The following EIF3L variants were observed in gnomAD, a reference collection of about 807,000 sequenced individuals.
EIF3L encodes the protein eIEF associated protein HSPC021.
In EIF3L, 32 loss-of-function variants were observed where a neutral mutation model predicts 74.6. That is an observed-to-expected ratio of 0.43 (90% CI 0.32 to 0.58). The LOEUF (loss-of-function observed/expected upper bound fraction) is 0.58, where lower values mean the gene tolerates loss of function less well. Ranked by LOEUF, EIF3L falls within the 20% of genes least tolerant of loss-of-function variation. The pLI, the probability that EIF3L is intolerant of heterozygous loss-of-function variation, is 0.06. For missense variants in EIF3L, 474 were observed against 707.8 expected (o/e 0.67, Z 3.75); for synonymous variants, 256 against 254.4 (o/e 1.01, Z -0.06).
At chr22:37,868,455 C>T (rs188421498) in intron 7 of EIF3L, among the ~76,000 whole-genome samples, 66 of 147,066 alleles carry the variant, frequency 4.5e-4, no homozygotes, top group African/African-American at 1.6e-3. Flanking sequence ...TCTGGATATT[C>T]TTTTTTTTTC....
intron 4 of EIF3L, 139 bp from the exon 5 acceptor site, chr22:37,858,540 A>G: frequency 1.4e-6 from 1 of 739,596 alleles, no homozygotes; most frequent in Non-Finnish European, 2.3e-6. Context: ...CATTGCATGT[A>G]TTCTTGGGGC....
In EIF3L at chr22:37,855,589, C is replaced by A; in HGVS notation, c.318C>A (p.Phe106Leu). 6.2e-7 allele frequency: 1 copy of A among 1,614,170 alleles called. No individual in the cohort carries two copies. The highest frequency in any genetic ancestry group is 2.2e-5 in the East Asian group (1 of 44,888). ...ENSWTKLTERFFKNTPWPEAE... is the reference protein window; with the variant it reads ...ENSWTKLTERLFKNTPWPEAE... ...GCTGGACCAAGCTGACTGAAAGATT[C>A]TTCAAGAATACACCTTGGCCCGAGG... The change falls in exon 4 of 13, where the codon TTC (phenylalanine) becomes TTA (leucine). Residue 106 changes from phenylalanine to leucine, a missense_variant. This residue lies in a region of EIF3L where 141 missense variants were observed against 197.7 expected (regional missense o/e 0.71). Coordinates refer to ENST00000652021, the MANE Select transcript of EIF3L (RefSeq NM_016091.4).
Position 37,863,263 on chromosome 22 carries a change from C to CCT in EIF3L, c.506-8_506-7dup. The CCT allele has an allele frequency of 2.5e-6, 4 of 1,610,952 alleles. No individual in the cohort carries two copies. In the South Asian group the frequency reaches 3.3e-5, roughly 13 times the overall value. On this transcript the variant is annotated splice_polypyrimidine_tract_variant and intron_variant, in intron 6 of 12. Transcript: ENST00000652021. ...TTTGAATCTGACTTTTCTGTGATCTCCTGCACAGATGCCGATGGTCCTGCT... is the reference window on the plus strand; with the variant it reads ...TTTGAATCTGACTTTTCTGTGATCTCCTCTGCACAGATGCCGATGGTCCTGCT...
intron 5 of EIF3L, among the ~76,000 whole-genome samples, chr22:37,862,549 G>A (rs1375291470): frequency 1.3e-5 from 2 of 152,214 alleles, no homozygotes; most frequent in Non-Finnish European, 2.9e-5. Context: ...CCCTGACCTA[G>A]ATGCTTGTTT....
At chr22:37,866,521 G>T (rs748524241) in intron 7 of EIF3L, among the ~76,000 whole-genome samples, 1 of 152,056 alleles carries the variant, frequency 6.6e-6, no homozygotes, top group Non-Finnish European at 1.5e-5. Context: ...CCACCAGCTC[G>T]CGCCTGTTAA....
rs1357860721 is a variant in EIF3L at position 37,878,041 on chromosome 22, C to G, written c.1445C>G (p.Thr482Arg). 1.9e-6 allele frequency: 3 copies of G among 1,614,108 alleles called. No homozygotes were observed. The highest frequency in any genetic ancestry group is 2.7e-5 in the African/African-American group (2 of 75,054). The stretch of plus-strand genomic sequence containing the variant: ...AAGCTGGCTGGCTTCCTGGACCTCA[C>G]AGAGCAGGAGTTCCGGATCCAGCTT... ...VAKLAGFLDL[T>R]EQEFRIQLLV... The change falls in exon 11 of 13, where the codon ACA becomes AGA. Residue 482 changes from threonine to arginine, a missense_variant. Thr to Arg is a moderately conservative substitution (Grantham distance 71, BLOSUM62 -1). Coordinates refer to ENST00000652021, the MANE Select transcript of EIF3L (RefSeq NM_016091.4).
intron 9 of EIF3L, 146 bp downstream of exon 9, chr22:37,874,670 A>G (rs1601775397): frequency 1.0e-6 from 1 of 969,878 alleles, no homozygotes; most frequent in East Asian, 2.8e-5. Context: ...AACTGGGCAA[A>G]CAGCTGTGGT....
At chr22:37,849,930 T>G (rs1925082630) in intron 1 of EIF3L, 85 bp from the exon 2 acceptor site, 1 of 1,463,550 alleles carries the variant, frequency 6.8e-7, no homozygotes. Context: ...TATCCTTAGC[T>G]CTCTGCTTGG....
At chr22:37,875,756 C>A in intron 9 of EIF3L, 85 bp from the exon 10 acceptor site, 2 of 1,365,180 alleles carry the variant, frequency 1.5e-6, no homozygotes, top group Non-Finnish European at 2.0e-6. Flanking sequence ...AGGGCCTCTG[C>A]AGGGAAAACT....
At chr22:37,876,057 G>T (rs750632380) in intron 10 of EIF3L, 46 bp downstream of exon 10, 2 of 1,583,628 alleles carry the variant, frequency 1.3e-6, no homozygotes, top group East Asian at 2.3e-5. Context: ...TAATCAGGGG[G>T]ATCCTTGGCA....
intron 4 of EIF3L, among the ~76,000 whole-genome samples, chr22:37,856,652 C>T (rs1301914156): frequency 6.6e-6 from 1 of 151,918 alleles, no homozygotes; most frequent in Non-Finnish European, 1.5e-5. Flanking sequence ...CGAGACCAGC[C>T]TGATTAACGT....
rs1927368154 is a variant in EIF3L at position 37,887,154 on chromosome 22, C to T, written c.1656+309C>T. 4 of 260,208 alleles carry T rather than the reference C, an allele frequency of 1.5e-5. 1 individual carries two copies. The highest frequency in any genetic ancestry group is 3.1e-5 in the Non-Finnish European group (4 of 129,134). The allele number at this position is 260,208 out of a possible 1,614,324, so 16.1% of individuals were successfully genotyped here. A position where few individuals can be genotyped will look rare whatever the true frequency, so the allele number is the denominator to read the frequency against. On this transcript the variant is annotated intron_variant, in intron 12 of 12. Transcript: ENST00000652021. ...ATGTTGGCCAGGCTGGTCTCCAGCTCCTGGCCTCAAGTGATCCAGTCCGTC... is the reference window on the plus strand; with the variant it reads ...ATGTTGGCCAGGCTGGTCTCCAGCTTCTGGCCTCAAGTGATCCAGTCCGTC...
chr22:37,875,921 C>T lies in EIF3L; in HGVS notation c.987C>T (p.Tyr329=), dbSNP rs1232081624. Residue 329 remains tyrosine, a synonymous_variant, in exon 10 of 13, where the codon TAC becomes TAT. Transcript: ENST00000652021. The part of the protein sequence containing the change: ...VGFAYLMMRR[Y]QDAIRVFANI... ...TTGCATATTTGATGATGCGTCGTTA[C>T]CAGGATGCCATCCGGGTCTTCGCCA... 6.2e-7 allele frequency: 1 copy of T among 1,614,078 alleles called. No individual in the cohort carries two copies. Among genetic ancestry groups the T allele is most frequent in the Admixed American group, 1.7e-5 (1 of 59,992 alleles).
At chr22:37,874,254 G>T in intron 8 of EIF3L, 116 bp from the exon 9 acceptor site, 1 of 1,086,238 alleles carries the variant, frequency 9.2e-7, no homozygotes, top group South Asian at 1.8e-5. Flanking sequence ...CCCAGTTGTT[G>T]AGGGAAGCTT....
At chr22:37,858,219 C>CTTTTTTTTTTT (rs549425262) in intron 4 of EIF3L, among the ~76,000 whole-genome samples, 19 of 85,102 alleles carry the variant, frequency 2.2e-4, no homozygotes, top group Admixed American at 3.1e-4. Context: ...TTCTTTCTTC[C>CTTTTTTTTTTT]TTTTTTTTTT....
At chr22:37,880,725 C>T in intron 11 of EIF3L, 1 of 152,192 alleles carries the variant, frequency 6.6e-6, no homozygotes, top group Middle Eastern at 3.2e-3. Flanking sequence ...AGTGATCCTC[C>T]TACCTTGGCC....
intron 11 of EIF3L, chr22:37,886,109 G>C (rs1288660949): frequency 2.0e-5 from 3 of 150,432 alleles, no homozygotes; most frequent in Non-Finnish European, 4.4e-5. Context: ...CAGGAGAATG[G>C]TGTGAACTCG....
intron 9 of EIF3L, among the ~76,000 whole-genome samples, chr22:37,875,088 G>C (rs937318324): frequency 6.6e-6 from 1 of 151,168 alleles, no homozygotes; most frequent in Non-Finnish European, 1.5e-5. Flanking sequence ...GATTGAGAAG[G>C]CCAGACGCAG....
Position 37,876,295 on chromosome 22 carries a change from ATTTTTTTTTTT to A in EIF3L, c.1077+301_1077+311del, listed in dbSNP as rs146250173. 72 of 110,442 alleles carry A rather than the reference ATTTTTTTTTTT, an allele frequency of 6.5e-4. 1 individual carries two copies. The highest frequency in any genetic ancestry group is 2.0e-4 in the East Asian group (1 of 4,944). The allele number at this position is 110,442 out of a possible 1,614,324, so 6.8% of individuals were successfully genotyped here. A position where few individuals can be genotyped will look rare whatever the true frequency, so the allele number is the denominator to read the frequency against. On this transcript the variant is annotated intron_variant, in intron 10 of 12. Coordinates refer to ENST00000652021, the MANE Select transcript of EIF3L (RefSeq NM_016091.4). Reference sequence around the variant, plus strand: ...AAGGCGCACACAACAACACCGGCTAATTTTTTTTTTTTTTTTTTTTTTTTTTTGAGACGAAG... The same window carrying A: ...AAGGCGCACACAACAACACCGGCTAATTTTTTTTTTTTTTTTGAGACGAAG...
Sources: gnomAD v4.1 joint callset for allele counts (sites outside exome capture counted in the v4.1 genomes callset) on GRCh38, gnomAD v4.1.1 for gene constraint, gnomAD v4.1.1 regional missense constraint, MANE v1.5 for transcripts, NCBI Gene and HGNC (gene_info 2026-07-23, HGNC 2026-07-21) for gene names.